The following ARFGAP3 variants were observed in gnomAD, a reference collection of about 807,000 sequenced individuals.
ARFGAP3 encodes the protein ARF GTPase activating protein 3.
A neutral mutation model predicts 75.0 loss-of-function variants in ARFGAP3; 72 were observed. The observed-to-expected ratio is 0.96, with a 90% CI of 0.79 to 1.17. The LOEUF is 1.17. Ranked by LOEUF, ARFGAP3 falls within the 50% of genes most tolerant of loss-of-function variation. ARFGAP3 has a pLI of 0.00. For missense variants in ARFGAP3, 620 were observed against 626.6 expected (o/e 0.99, Z 0.11); for synonymous variants, 221 against 217.9 (o/e 1.01, Z -0.13).
chr22:42,847,810 T>TA (rs1257429494), intron 1 of ARFGAP3, 178 bp from the exon 2 acceptor site: 3 of 184,060 alleles, frequency 1.6e-5, no homozygotes, highest in Non-Finnish European at 2.7e-5. Context: ...TTCATGCTCT[T>TA]TTATTATTAT....
At chr22:42,797,737 C>T (rs927287915) in intron 15 of ARFGAP3, 132 bp from the exon 16 acceptor site, 30 of 1,579,694 alleles carry the variant, frequency 1.9e-5, no homozygotes, top group African/African-American at 2.7e-5. Context: ...CGCTGCACCC[C>T]GAGGGTGTGC....
chr22:42,826,597 G>A (rs1926049360), intron 7 of ARFGAP3, among the ~76,000 whole-genome samples: 1 of 151,764 alleles, frequency 6.6e-6, no homozygotes, highest in South Asian at 2.1e-4. Context: ...CTAAGGTTTC[G>A]CTGTGTTGCC....
intron 14 of ARFGAP3, among the ~76,000 whole-genome samples, chr22:42,804,379 T>TA (rs1273601242): frequency 7.5e-6 from 1 of 134,130 alleles, no homozygotes; most frequent in Non-Finnish European, 1.6e-5. Flanking sequence ...CCAGCTAATT[T>TA]TTTTTTTTTT....
intron 11 of ARFGAP3, among the ~76,000 whole-genome samples, chr22:42,815,927 A>G (rs1039994357): frequency 6.6e-6 from 1 of 152,210 alleles, no homozygotes; most frequent in Non-Finnish European, 1.5e-5. Context: ...AGCCTGGCCA[A>G]CATGGCGAAA....
chr22:42,856,853 C>CG (rs1007333231), intron 1 of ARFGAP3, among the ~76,000 whole-genome samples: 1 of 151,514 alleles, frequency 6.6e-6, no homozygotes, highest in Admixed American at 6.6e-5. Flanking sequence ...AAGAGCTCGC[C>CG]GGGGGGTGTG....
At chr22:42,845,385 C>T (rs576184435) in intron 2 of ARFGAP3, among the ~76,000 whole-genome samples, 103 of 152,134 alleles carry the variant, frequency 6.8e-4, no homozygotes, top group African/African-American at 1.4e-3. Flanking sequence ...CTTAGATGGA[C>T]GTGGTGGCAC....
intron 1 of ARFGAP3, among the ~76,000 whole-genome samples, chr22:42,848,515 T>A (rs974925502): frequency 3.9e-5 from 6 of 152,182 alleles, no homozygotes; most frequent in African/African-American, 1.4e-4. Context: ...GGCTATCATG[T>A]ATATATTTTA....
chr22:42,829,910 G>A (rs1602113586), intron 6 of ARFGAP3, among the ~76,000 whole-genome samples: 1 of 152,082 alleles, frequency 6.6e-6, no homozygotes, highest in Non-Finnish European at 1.5e-5. Flanking sequence ...TTTATTATTT[G>A]TTTCTAAAAT....
At chr22:42,840,474 T>C (rs1926730521) in intron 3 of ARFGAP3, among the ~76,000 whole-genome samples, 1 of 151,860 alleles carries the variant, frequency 6.6e-6, no homozygotes, top group Non-Finnish European at 1.5e-5. Context: ...TGGAGTGCAG[T>C]GGTGTGATCT....
intron 14 of ARFGAP3, among the ~76,000 whole-genome samples, chr22:42,806,824 C>T (rs9611911): frequency 0.029 from 4,445 of 152,332 alleles, 84 homozygotes; most frequent in African/African-American, 0.041. Flanking sequence ...CTAGAAAACA[C>T]TCCTCTATGA....
intron 1 of ARFGAP3, chr22:42,853,534 C>T (rs1268655844): frequency 4.8e-6 from 1 of 206,640 alleles, no homozygotes; most frequent in African/African-American, 2.3e-5. Context: ...TGGAGATGGC[C>T]CTCTGACTTG....
At position 42,835,510 on chromosome 22, in the gene ARFGAP3, G is replaced by A; in HGVS notation, c.262-17C>T. The A allele has an allele frequency of 6.2e-7, 1 of 1,612,928 alleles. No homozygotes were observed. The highest frequency in any genetic ancestry group is 8.5e-7 in the Non-Finnish European group (1 of 1,179,302). ...AAAGGAAGACTACAGAGAAAAGCATGCACATTAATATTTTCGTAAAACTAC... is the reference window on the plus strand; with the variant it reads ...AAAGGAAGACTACAGAGAAAAGCATACACATTAATATTTTCGTAAAACTAC... On this transcript the variant is annotated splice_polypyrimidine_tract_variant and intron_variant, in intron 3 of 15. Coordinates refer to ENST00000263245, the MANE Select transcript of ARFGAP3 (RefSeq NM_014570.5).
intron 3 of ARFGAP3, among the ~76,000 whole-genome samples, chr22:42,840,708 C>A (rs1194527382): frequency 1.3e-5 from 2 of 152,084 alleles, no homozygotes; most frequent in Non-Finnish European, 2.9e-5. Flanking sequence ...GGATTACAGG[C>A]GTGAGACACC....
At chr22:42,853,524 T>C (rs542475631) in intron 1 of ARFGAP3, 6 of 211,406 alleles carry the variant, frequency 2.8e-5, no homozygotes, top group African/African-American at 1.4e-4. Context: ...TGAGCTGACA[T>C]GGAGATGGCC....
In ARFGAP3 at chr22:42,797,324, T is replaced by A; in HGVS notation, c.*264A>T. The stretch of plus-strand genomic sequence containing the variant: ...AGGCCCTCAGTGTTGAAATCAAAGG[T>A]TCCAAGAAAATAAAGCAAGGATATA... On this transcript the variant is annotated 3_prime_UTR_variant, in exon 16 of 16. Transcript: ENST00000263245. 2.0e-6 allele frequency: 1 copy of A among 489,426 alleles called. No individual in the cohort carries two copies. The highest frequency in any genetic ancestry group is 2.0e-5 in the African/African-American group (1 of 50,278). 30.3% of individuals were successfully genotyped at this position (489,426 alleles called of 1,614,324 possible).
At chr22:42,799,855 C>G (rs185490624) in intron 14 of ARFGAP3, among the ~76,000 whole-genome samples, 96 of 152,364 alleles carry the variant, frequency 6.3e-4, no homozygotes, top group Admixed American at 1.8e-3. Context: ...CTGACTGTGA[C>G]TTAGAAGCCA....
intron 1 of ARFGAP3, chr22:42,853,671 T>C: frequency 5.8e-6 from 1 of 173,212 alleles, no homozygotes; most frequent in South Asian, 1.3e-4. Flanking sequence ...GCTATGCACC[T>C]GCTCCAATGC....
rs1569164168 is a variant in ARFGAP3 at position 42,838,292 on chromosome 22, T to TATATA, written c.261+2651_261+2652insTATAT. ...CACACACACATATATATATATATATTTTTTTTTTCTTTTTTTTTTTTCTGA... is the reference window on the plus strand; with the variant it reads ...CACACACACATATATATATATATATTATATATTTTTTTTCTTTTTTTTTTTTCTGA... On this transcript the variant is annotated intron_variant, in intron 3 of 15. Coordinates refer to ENST00000263245, the MANE Select transcript of ARFGAP3 (RefSeq NM_014570.5). Among the ~76,000 whole-genome samples, 477 of 93,266 alleles carry TATATA rather than the reference T, an allele frequency of 5.1e-3. 1 individual carries two copies. Among genetic ancestry groups the TATATA allele is most frequent in the Middle Eastern group, 0.011 (2 of 178 alleles). 61.2% of individuals were successfully genotyped at this position (93,266 alleles called of 152,430 possible). A position where few individuals can be genotyped will look rare whatever the true frequency, so the allele number is the denominator to read the frequency against.
At chr22:42,826,645 C>A (rs1038549997) in intron 7 of ARFGAP3, among the ~76,000 whole-genome samples, 5 of 152,062 alleles carry the variant, frequency 3.3e-5, no homozygotes, top group Non-Finnish European at 5.9e-5. Flanking sequence ...AGCGATCTGA[C>A]CACCTCGGCT....
Sources: gnomAD v4.1 joint callset for allele counts (sites outside exome capture counted in the v4.1 genomes callset) on GRCh38, gnomAD v4.1.1 for gene constraint, MANE v1.5 for transcripts, NCBI Gene and HGNC (gene_info 2026-07-23, HGNC 2026-07-21) for gene names.